The following RNF212 variants were observed in gnomAD, a reference collection of about 807,000 sequenced individuals.
RNF212 encodes ring finger protein 212, also known as probable E3 SUMO-protein ligase RNF212.
A neutral mutation model predicts 34.7 loss-of-function variants in RNF212; 33 were observed. The observed-to-expected ratio is 0.95, with a 90% confidence interval of 0.72 to 1.27. The LOEUF (loss-of-function observed/expected upper bound fraction) is 1.27. Among genes scored for constraint, RNF212 ranks in the 50% most tolerant of loss-of-function variants. The pLI is 0.00. For missense variants in RNF212, 377 were observed against 362.2 expected, an observed-to-expected ratio of 1.04 and a Z score of -0.33; for synonymous variants, 140 against 136.1, an observed-to-expected ratio of 1.03 and a Z score of -0.20.
Position 1,072,984 on chromosome 4 carries a change from C to G in RNF212, c.784G>C (p.Ala262Pro), listed in dbSNP as rs1306237686. The G allele has an allele frequency of 2.5e-6, 4 of 1,614,050 alleles. No homozygotes were observed. Among genetic ancestry groups the G allele is most frequent in the Non-Finnish European group, 3.4e-6 (4 of 1,180,044 alleles). The change falls in exon 10 of 10, where the codon GCC becomes CCC. Residue 262 changes from alanine (A) to proline (P), a missense_variant. By Grantham distance (27) the Ala-to-Pro change is conservative. Coordinates refer to ENST00000433731, the MANE Select transcript of RNF212 (RefSeq NM_001131034.4). ...TLPIYAEVQRAVLFPFQQAEG... is the reference protein window; with the variant it reads ...TLPIYAEVQRPVLFPFQQAEG... ...GCCTGCTGGAACGGAAACAAGACGGCCCTTTGTACCTCAGCATATATTGGA... is the reference window on the plus strand; with the variant it reads ...GCCTGCTGGAACGGAAACAAGACGGGCCTTTGTACCTCAGCATATATTGGA...
chr4:1,057,245 T>C (rs1262001407), intron 4 of RNF212, among the ~76,000 whole-genome samples: 1 of 151,476 alleles, frequency 6.6e-6, no homozygotes, highest in Non-Finnish European at 1.5e-5. Flanking sequence ...GGTGGGGGCG[T>C]GAGAGAACGC....
chr4:1,064,379 G>A (rs1717951053), intron 3 of RNF212, among the ~76,000 whole-genome samples: 1 of 152,166 alleles, frequency 6.6e-6, no homozygotes, highest in Admixed American at 6.5e-5. Context: ...AAATAATAAA[G>A]CACACAGATA....
intron 3 of RNF212, among the ~76,000 whole-genome samples, chr4:1,060,033 A>G (rs1320692548): frequency 6.9e-6 from 1 of 145,394 alleles, no homozygotes; most frequent in Non-Finnish European, 1.5e-5. Flanking sequence ...GGCGGAGGTT[A>G]GGTTGCAGTG....
chr4:1,061,343 A>G lies in RNF212; in HGVS notation n.148-2950T>C, dbSNP rs1283487800. Reference sequence around the variant, plus strand: ...GAGGGGAACGCTTTCATCAGCCACGAGGGGTCCATCTGCAGGACCTGGAGA... The same window carrying G: ...GAGGGGAACGCTTTCATCAGCCACGGGGGGTCCATCTGCAGGACCTGGAGA... On this transcript the variant is annotated intron_variant and non_coding_transcript_variant, in intron 3 of 4. Transcript: ENST00000503206. Among the ~76,000 whole-genome samples, 3 of 152,158 alleles carry G rather than the reference A, an allele frequency of 2.0e-5. No homozygotes were observed. In the East Asian group the frequency reaches 5.8e-4, roughly 29 times the overall value.
chr4:1,085,986 G>GCATAGCCTGTCTGATA, intron 4 of RNF212, 32 bp from the exon 5 acceptor site: 1 of 1,475,394 alleles, frequency 6.8e-7, no homozygotes, highest in Non-Finnish European at 9.5e-7. Flanking sequence ...CTTGTTATCA[G>GCATAGCCTGTCTGATA]ACAGGCTATG....
At chr4:1,073,557 C>T (rs764078711) in intron 9 of RNF212, 42 bp downstream of exon 9, 18 of 1,335,952 alleles carry the variant, frequency 1.3e-5, no homozygotes, top group South Asian at 1.3e-4. Flanking sequence ...GCATTTTAAT[C>T]GATGCATGTA....
chr4:1,060,799 AC>A (rs1717698566), intron 3 of RNF212, among the ~76,000 whole-genome samples: 1 of 152,224 alleles, frequency 6.6e-6, no homozygotes, highest in African/African-American at 2.4e-5. Context: ...GACAGGTCAG[AC>A]AGCCCCACAC....
rs766736601 is a variant in RNF212 at position 1,081,406 on chromosome 4, G to C, written c.464+13C>G. ...CCTGCAGGTCCTGTGATTTCTGCAA[G>C]CAACCCACACACCTGTCGGGGGCTG... On this transcript the variant is annotated intron_variant, in intron 7 of 9. Transcript: ENST00000433731. 1.2e-6 allele frequency: 2 copies of C among 1,612,634 alleles called. No homozygotes were observed. Among genetic ancestry groups the C allele is most frequent in the Admixed American group, 3.3e-5 (2 of 60,012 alleles).
Position 1,093,279 on chromosome 4 carries a change from T to C in RNF212, c.247-2441A>G, listed in dbSNP as rs949514803. ...TGCTTATGTGGGTTTTATCTGTTGG[T>C]ATTTACCCTATTAGAAATTAAGACT... On this transcript the variant is annotated intron_variant, in intron 3 of 9. Transcript: ENST00000433731. 1.1e-5 allele frequency: 8 copies of C among 705,754 alleles called. No homozygotes were observed. The Admixed American group carries it at 1.1e-4, about 10-fold the overall frequency. The allele number at this position is 705,754 out of a possible 1,614,324, so 43.7% of individuals were successfully genotyped here. A position where few individuals can be genotyped will look rare whatever the true frequency, so the allele number is the denominator to read the frequency against.
In RNF212 at chr4:1,065,648, G is replaced by A. The variant is rs572515369; in HGVS notation, n.148-7255C>T. On this transcript the variant is annotated intron_variant and non_coding_transcript_variant, in intron 3 of 4. Transcript: ENST00000503206. ...AGCCTGGATAATTTTTTGTAGAGAG[G>A]GGGTTTTGCCCAGGCTGGTCTGGAA... 1.8e-4 allele frequency among the ~76,000 whole-genome samples: 27 copies of A among 151,984 alleles called. 1 individual carries two copies. Among genetic ancestry groups the A allele is most frequent in the Non-Finnish European group, 3.8e-4 (26 of 67,972 alleles).
intron 3 of RNF212, chr4:1,093,214 T>C: frequency 3.1e-6 from 1 of 318,500 alleles, no homozygotes; most frequent in South Asian, 8.3e-5. Context: ...CTTGGGCCAG[T>C]TTTGCACTCT....
chr4:1,100,595 G>A (rs1723821237), intron 2 of RNF212: 1 of 152,092 alleles, frequency 6.6e-6, no homozygotes, highest in South Asian at 2.1e-4. Flanking sequence ...TTTCAGTAGA[G>A]ATGGGGTTTC....
intron 3 of RNF212, among the ~76,000 whole-genome samples, chr4:1,092,073 T>C (rs1271618929): frequency 1.3e-5 from 2 of 152,220 alleles, no homozygotes; most frequent in Non-Finnish European, 2.9e-5. Flanking sequence ...CACACTCAAT[T>C]GTGCCTGTGT....
chr4:1,080,209 A>G (rs557988374), intron 7 of RNF212, among the ~76,000 whole-genome samples: 1 of 152,310 alleles, frequency 6.6e-6, no homozygotes, highest in African/African-American at 2.4e-5. Context: ...TAGCCCTGCC[A>G]TCCTTATGGC....
intron 2 of RNF212, among the ~76,000 whole-genome samples, chr4:1,106,990 T>C (rs1360724959): frequency 6.6e-6 from 1 of 151,974 alleles, no homozygotes; most frequent in Non-Finnish European, 1.5e-5. Context: ...AGGAAAATAC[T>C]AAAATATAAT....
chr4:1,061,948 A>G (rs975333217), intron 3 of RNF212, among the ~76,000 whole-genome samples: 3 of 152,238 alleles, frequency 2.0e-5, no homozygotes, highest in Admixed American at 6.5e-5. Context: ...GGCAGATGGC[A>G]GAGGCCCACG....
At chr4:1,103,197 G>A (rs1724298845) in intron 2 of RNF212, among the ~76,000 whole-genome samples, 1 of 152,064 alleles carries the variant, frequency 6.6e-6, no homozygotes, top group Admixed American at 6.6e-5. Flanking sequence ...ATTGACTCAA[G>A]GAGAATTAGG....
At chr4:1,085,642 G>A (rs1331250064) in intron 5 of RNF212, 1 of 552,872 alleles carries the variant, frequency 1.8e-6, no homozygotes, top group African/African-American at 1.9e-5. Flanking sequence ...CCCTCCCACT[G>A]CCTCAGCAAT....
chr4:1,110,797 C>A (rs541965107), intron 1 of RNF212, among the ~76,000 whole-genome samples: 51 of 152,304 alleles, frequency 3.3e-4, no homozygotes, highest in African/African-American at 1.2e-3. Context: ...GAGCCTCCAC[C>A]CCTTTTCACC....
Sources: gnomAD v4.1 joint callset for allele counts (sites outside exome capture counted in the v4.1 genomes callset) on GRCh38, gnomAD v4.1.1 for gene constraint, MANE v1.5 for transcripts, NCBI Gene and HGNC (gene_info 2026-07-23, HGNC 2026-07-21) for gene names.